POLQ: variants seen among roughly 807,000 people sequenced by gnomAD.
POLQ encodes the protein DNA polymerase theta.
POLQ carries 233 observed loss-of-function variants against 259.2 expected under a neutral mutation model. The ratio of observed to expected loss-of-function variants is 0.90; its 90% CI spans 0.81 to 1.00. POLQ has a LOEUF of 1.00. Ranked by LOEUF, POLQ falls within the 50% of genes least tolerant of loss-of-function variation. POLQ has a pLI of 0.00. For synonymous variants in POLQ, 1,025 were observed against 1,048.8 expected, an observed-to-expected ratio of 0.98 and a Z score of 0.44; for missense variants, 2,871 against 3,051.6, an observed-to-expected ratio of 0.94 and a Z score of 1.39.
At chr3:121,504,437 C>T (rs751713058) in intron 12 of POLQ, among the ~76,000 whole-genome samples, 1 of 152,106 alleles carries the variant, frequency 6.6e-6, no homozygotes, top group Non-Finnish European at 1.5e-5. Flanking sequence ...GCCCAAGTGG[C>T]TTGACTGGTG....
At chr3:121,509,835 A>G (rs1045099380) in intron 11 of POLQ, 132 bp from the exon 12 acceptor site, 2 of 907,532 alleles carry the variant, frequency 2.2e-6, no homozygotes, top group South Asian at 1.7e-5. Context: ...TATCCAGAGC[A>G]TGAAAATGTA....
intron 4 of POLQ, among the ~76,000 whole-genome samples, chr3:121,537,428 T>C (rs1290262273): frequency 6.6e-6 from 1 of 152,192 alleles, no homozygotes; most frequent in Non-Finnish European, 1.5e-5. Flanking sequence ...TACCCTATTA[T>C]TAAATAGTTA....
At chr3:121,437,945 G>T (rs567025521) in intron 27 of POLQ, among the ~76,000 whole-genome samples, 1 of 152,106 alleles carries the variant, frequency 6.6e-6, no homozygotes, top group Non-Finnish European at 1.5e-5. Context: ...CAAAACTATA[G>T]TGTTAGAAGT....
At chr3:121,476,825 A>C (rs1196999544) in intron 19 of POLQ, 92 bp from the exon 20 acceptor site, 48 of 832,690 alleles carry the variant, frequency 5.8e-5, no homozygotes, top group Non-Finnish European at 8.4e-5. Context: ...CATCTAGGAA[A>C]ATCCAGAAAT....
intron 12 of POLQ, among the ~76,000 whole-genome samples, chr3:121,509,180 C>A (rs556016122): frequency 7.2e-5 from 11 of 152,278 alleles, no homozygotes; most frequent in Non-Finnish European, 1.2e-4. Flanking sequence ...AAGTTGACAA[C>A]AGCATTGGAC....
chr3:121,450,174 T>A (rs2047662844), intron 25 of POLQ, among the ~76,000 whole-genome samples: 1 of 152,124 alleles, frequency 6.6e-6, no homozygotes, highest in Non-Finnish European at 1.5e-5. Context: ...GATTGTTAGG[T>A]TTAAATGAGT....
chr3:121,494,644 C>T (rs1220693021), intron 14 of POLQ: 4 of 1,516,520 alleles, frequency 2.6e-6, no homozygotes, highest in Non-Finnish European at 3.6e-6. Flanking sequence ...AAATGGGGGT[C>T]CCTTACTGCA....
chr3:121,477,664 T>G (rs1260120985), intron 19 of POLQ, among the ~76,000 whole-genome samples: 2 of 152,282 alleles, frequency 1.3e-5, no homozygotes, highest in East Asian at 3.9e-4. Flanking sequence ...AAAGTAAGCA[T>G]CCATGGAATG....
chr3:121,440,801 C>T (rs2047585427), intron 26 of POLQ, among the ~76,000 whole-genome samples: 1 of 152,038 alleles, frequency 6.6e-6, no homozygotes, highest in African/African-American at 2.4e-5. Context: ...TCTTATCATT[C>T]CTAGGTTTAA....
In POLQ at chr3:121,475,321, C is replaced by T. The variant is rs530157762; in HGVS notation, c.6405+1219G>A. 9.1e-4 allele frequency among the ~76,000 whole-genome samples: 139 copies of T among 152,288 alleles called. No individual in the cohort carries two copies. The Middle Eastern group carries it at 0.014, about 15-fold the overall frequency. The stretch of plus-strand genomic sequence containing the variant: ...ATCATCTGAAACATATGGTACTTAT[C>T]TTTCTGTAACTGGCTTATTTCACTT... On this transcript the variant is annotated intron_variant, in intron 20 of 29. Coordinates refer to ENST00000264233, the MANE Select transcript of POLQ (RefSeq NM_199420.4).
rs1415086436 is a variant in POLQ, at chr3:121,487,343, G to C, written c.5588C>G (p.Thr1863Arg). ...GCCAATAGTAGCAGTTTTAGAAGATGTCAAACTTCTAATCTTTTCACAAGC... is the reference window on the plus strand; with the variant it reads ...GCCAATAGTAGCAGTTTTAGAAGATCTCAAACTTCTAATCTTTTCACAAGC... Reference protein sequence around the residue: ...SLACEKIRSLTSSKTATIGSR... With the variant: ...SLACEKIRSLRSSKTATIGSR... The change falls in exon 16 of 30, where the codon ACA becomes AGA. Residue 1863 changes from threonine to arginine, a missense_variant. Thr to Arg is a moderately conservative substitution (Grantham distance 71). Transcript: ENST00000264233. The C allele has an allele frequency of 1.2e-6, 2 of 1,610,130 alleles. No individual in the cohort carries two copies. The highest frequency in any genetic ancestry group is 1.7e-6 in the Non-Finnish European group (2 of 1,178,470).
chr3:121,488,705 A>G lies in POLQ; in HGVS notation c.4226T>C (p.Ile1409Thr). The change falls in exon 16 of 30, where the codon ATC (isoleucine) becomes ACC (threonine). Residue 1409 changes from isoleucine to threonine, a missense_variant. By Grantham distance (89) the Ile-to-Thr change is moderately conservative (BLOSUM62 -1). Coordinates refer to ENST00000264233, the MANE Select transcript of POLQ (RefSeq NM_199420.4). ...KQSSDSHGVD[I>T]LTPESPIFHS... is the part of the protein sequence containing the mutation. ...GAAAATCGGGCTTTCTGGAGTCAGGATATCAACCCCATGTGAATCACTGCT... is the reference window on the plus strand; with the variant it reads ...GAAAATCGGGCTTTCTGGAGTCAGGGTATCAACCCCATGTGAATCACTGCT... 6.2e-7 allele frequency: 1 copy of G among 1,613,980 alleles called. No homozygotes were observed. The highest frequency in any genetic ancestry group is 1.1e-5 in the South Asian group (1 of 91,024).
chr3:121,489,563 G>A lies in POLQ; in HGVS notation c.3368C>T (p.Ser1123Leu), dbSNP rs781408585. Residue 1123 changes from serine to leucine, a missense_variant, in exon 16 of 30, where the codon TCA becomes TTA. Coordinates refer to ENST00000264233, the MANE Select transcript of POLQ (RefSeq NM_199420.4). ...SFPLQIKQNCSWNITLTNDNF... is the reference protein window; with the variant it reads ...SFPLQIKQNCLWNITLTNDNF... ...ATCATTAGTTAGTGTTATGTTCCAT[G>A]AACAATTTTGCTTTATTTGTAATGG... is the stretch of plus-strand genomic sequence containing the variant. The A allele has an allele frequency of 6.2e-7, 1 of 1,612,578 alleles. No individual in the cohort carries two copies. The highest frequency in any genetic ancestry group is 2.2e-5 in the East Asian group (1 of 44,890).
rs1175087034 is a variant in POLQ at position 121,489,765 on chromosome 3, G to T, written c.3166C>A (p.Pro1056Thr). The change falls in exon 16 of 30, where the codon CCC becomes ACC. Residue 1056 changes from proline to threonine, a missense_variant. Physicochemically the swap from Pro to Thr is conservative, Grantham distance 38. Around this residue, in one of 3 missense-constraint regions of POLQ, gnomAD observed 2,080 missense variants for 2,126.0 expected, o/e 0.98. Coordinates refer to ENST00000264233, the MANE Select transcript of POLQ (RefSeq NM_199420.4). ...KHLKRSRDSS[P>T]LKDSGACRIH... ...CTACACGCTCCAGAGTCTTTCAGGG[G>T]GCTGCTGTCCCTAGATCGCTTTAGA... 4 of 1,612,114 alleles carry T rather than the reference G, an allele frequency of 2.5e-6. No individual in the cohort carries two copies. Among genetic ancestry groups the T allele is most frequent in the Non-Finnish European group, 2.5e-6 (3 of 1,179,760 alleles).
intron 12 of POLQ, among the ~76,000 whole-genome samples, chr3:121,507,872 G>A (rs544113976): frequency 3.9e-5 from 6 of 151,972 alleles, no homozygotes; most frequent in African/African-American, 1.4e-4. Context: ...TTGTTTTTAA[G>A]ACACGAGGTC....
intron 3 of POLQ, among the ~76,000 whole-genome samples, chr3:121,540,392 A>G (rs939476480): frequency 6.6e-6 from 1 of 152,186 alleles, no homozygotes; most frequent in African/African-American, 2.4e-5. Flanking sequence ...TAGAACCCAC[A>G]TTTCTTTAAC....
chr3:121,508,857 T>C (rs1426429350), intron 12 of POLQ, among the ~76,000 whole-genome samples: 1 of 152,226 alleles, frequency 6.6e-6, no homozygotes, highest in Non-Finnish European at 1.5e-5. Flanking sequence ...CTGACAAAAT[T>C]AATTATTTCT....
In POLQ at chr3:121,533,078, G is replaced by T. The variant is rs1003257917; in HGVS notation, c.872C>A (p.Pro291Gln). The T allele has an allele frequency of 6.2e-7, 1 of 1,613,816 alleles. No homozygotes were observed. Among genetic ancestry groups the T allele is most frequent in the Admixed American group, 1.7e-5 (1 of 59,958 alleles). Reference sequence around the variant, plus strand: ...TCCAACTTTTACTGACTCCAAAAGCGGTACAGGGCGAAAGTCGGTATGGTA... The same window carrying T: ...TCCAACTTTTACTGACTCCAAAAGCTGTACAGGGCGAAAGTCGGTATGGTA... ...ELYHTDFRPV[P>Q]LLESVKVGNS... The change falls in exon 6 of 30, where the codon CCG becomes CAG. Residue 291 changes from proline (P) to glutamine (Q), a missense_variant. Around this residue, in one of 3 missense-constraint regions of POLQ, gnomAD observed 783 missense variants for 906.2 expected, o/e 0.86. Transcript: ENST00000264233.
At chr3:121,532,522 G>T (rs926216257) in intron 6 of POLQ, among the ~76,000 whole-genome samples, 2 of 151,798 alleles carry the variant, frequency 1.3e-5, no homozygotes, top group South Asian at 2.1e-4. Context: ...TTTGGTGGGG[G>T]ATGGAGTCTT....
Sources: allele counts gnomAD v4.1 joint callset (sites outside exome capture counted in the v4.1 genomes callset), GRCh38; gene constraint gnomAD v4.1.1; regional missense constraint gnomAD v4.1.1; transcripts MANE v1.5; gene names NCBI Gene and HGNC (gene_info 2026-07-23, HGNC 2026-07-21).